SPTA1: variants seen among roughly 807,000 people sequenced by gnomAD.
The protein encoded by SPTA1 is spectrin alpha, erythrocytic 1, also known as spectrin alpha chain, erythrocytic 1.
A neutral mutation model predicts 324.7 loss-of-function variants in SPTA1; 177 were observed. That is an observed-to-expected ratio of 0.55 (90% CI 0.48 to 0.62). The LOEUF is 0.62. SPTA1 is among the 20% of genes least tolerant of loss of function. The probability of loss-of-function intolerance (pLI) is 0.00; values close to 1 mark genes in which losing one functional copy is unlikely to be tolerated. For synonymous variants in SPTA1, 1,195 were observed against 1,041.3 expected (o/e 1.15, Z -2.84); for missense variants, 3,162 against 2,883.6 (o/e 1.10, Z -2.21).
intron 42 of SPTA1, among the ~76,000 whole-genome samples, chr1:158,624,209 GC>G (rs1221367117): frequency 6.6e-6 from 1 of 152,166 alleles, no homozygotes; most frequent in East Asian, 1.9e-4. Context: ...TGGAACACCC[GC>G]CCCTGACAGA....
intron 44 of SPTA1, 128 bp from the exon 45 acceptor site, chr1:158,619,462 G>A (rs1649772936): frequency 2.3e-6 from 2 of 873,014 alleles, no homozygotes; most frequent in African/African-American, 1.6e-5. Context: ...ACAGGTATGT[G>A]CCTGTGTGCT....
rs758565569 is a variant in SPTA1 at position 158,648,549 on chromosome 1, T to C, written c.3674A>G (p.His1225Arg). The C allele has an allele frequency of 9.3e-6, 15 of 1,614,036 alleles. No homozygotes were observed. In the Admixed American group the frequency reaches 1.8e-4, roughly 20 times the overall value. Residue 1225 changes from histidine to arginine, a missense_variant, in exon 26 of 52, where the codon CAT (histidine) becomes CGT (arginine). Coordinates refer to ENST00000643759, the MANE Select transcript of SPTA1 (RefSeq NM_003126.4). ...LFSVQALQRR[H>R]EGFERDLVPL... ...TACGAGGTCCCTTTCAAAGCCCTCA[T>C]GCCGTCGCTGAAGAGCCTGAACACT...
intron 24 of SPTA1, among the ~76,000 whole-genome samples, chr1:158,650,817 C>T (rs1436189376): frequency 6.6e-6 from 1 of 152,120 alleles, no homozygotes; most frequent in Non-Finnish European, 1.5e-5. Flanking sequence ...AAGGAAAAAA[C>T]TTTACGTTTA....
chr1:158,649,888 C>T lies in SPTA1; in HGVS notation c.3537G>A (p.Leu1179=). 1 of 1,613,822 alleles carries T rather than the reference C, an allele frequency of 6.2e-7. No individual in the cohort carries two copies. The highest frequency in any genetic ancestry group is 1.1e-5 in the South Asian group (1 of 91,056). The change falls in exon 25 of 52, where the codon CTG becomes CTA. Residue 1179 remains leucine, a synonymous_variant. Coordinates refer to ENST00000643759, the MANE Select transcript of SPTA1 (RefSeq NM_003126.4). ...QRLADEQRQL[L]GSAHAVEVFH... ...ACACTTCAACAGCATGGGCACTGCC[C>T]AGCAGCTGCCGCTGTTCATCTGCAA...
chr1:158,681,583 T>G lies in SPTA1; in HGVS notation c.475A>C (p.Lys159Gln). 6.2e-7 allele frequency: 1 copy of G among 1,613,814 alleles called. No individual in the cohort carries two copies. Among genetic ancestry groups the G allele is most frequent in the Non-Finnish European group, 8.5e-7 (1 of 1,179,800 alleles). ...EKGDQLLRAL[K>Q]FQQYVQECAD... ...CACTCCTGTACATACTGCTGGAACT[T>G]CAGGGCCCGCAGCAACTGGTCACCC... is the stretch of plus-strand genomic sequence containing the variant. Residue 159 changes from lysine (K) to glutamine (Q), a missense_variant, in exon 4 of 52, where the codon AAG becomes CAG. Coordinates refer to ENST00000643759, the MANE Select transcript of SPTA1 (RefSeq NM_003126.4).
Position 158,653,310 on chromosome 1 carries a change from C to G in SPTA1, c.3152G>C (p.Gly1051Ala), listed in dbSNP as rs774161066. The stretch of plus-strand genomic sequence containing the variant: ...CTGCTCCTGGCGCTGGGTGATGTTT[C>G]CTGGCTCTTCTCGTCGCCGCTGTGG... Reference protein sequence around the residue: ...MLPQRRREEPGNITQRQEQIE... With the variant: ...MLPQRRREEPANITQRQEQIE... The change falls in exon 22 of 52, where the codon GGA becomes GCA. Residue 1051 changes from glycine (G) to alanine (A), a missense_variant. Coordinates refer to ENST00000643759, the MANE Select transcript of SPTA1 (RefSeq NM_003126.4). 12 of 1,614,108 alleles carry G rather than the reference C, an allele frequency of 7.4e-6. No homozygotes were observed. Among genetic ancestry groups the G allele is most frequent in the Middle Eastern group, 1.7e-4 (1 of 6,054 alleles).
rs755966603 is a variant in SPTA1 at position 158,644,315 on chromosome 1, A to C, written c.4276T>G (p.Leu1426Val). Residue 1426 changes from leucine (L) to valine (V), a missense_variant, in exon 30 of 52, where the codon TTA becomes GTA. By Grantham distance (32) the Leu-to-Val change is conservative. Transcript: ENST00000643759. ...NSLRSDDKSS[L>V]DSLEALMKKR... Reference sequence around the variant, plus strand: ...TTCATCAAAGCCTCCAGACTGTCTAAGGAACTTTTGTCATCTGACCTCAGG... The same window carrying C: ...TTCATCAAAGCCTCCAGACTGTCTACGGAACTTTTGTCATCTGACCTCAGG... 6.2e-7 allele frequency: 1 copy of C among 1,613,868 alleles called. No homozygotes were observed. Among genetic ancestry groups the C allele is most frequent in the Non-Finnish European group, 8.5e-7 (1 of 1,179,932 alleles).
Position 158,643,406 on chromosome 1 carries a change from A to G in SPTA1, c.4358T>C (p.Leu1453Pro), listed in dbSNP as rs756913042. 3.7e-6 allele frequency: 6 copies of G among 1,613,578 alleles called. No individual in the cohort carries two copies. In the African/African-American group the frequency reaches 8.0e-5, roughly 22 times the overall value. The change falls in exon 31 of 52, where the codon CTA becomes CCA. Residue 1453 changes from leucine (L) to proline (P), a missense_variant. Transcript: ENST00000643759. The part of the protein sequence containing the change: ...ITAQEGKITD[L>P]EHFAESLIAD... ...AATGAGGCTCTCAGCAAAATGTTCTAGGTCAGTGATCTTCCCTTCCTAAAT... is the reference window on the plus strand; with the variant it reads ...AATGAGGCTCTCAGCAAAATGTTCTGGGTCAGTGATCTTCCCTTCCTAAAT...
rs2101962913 is a variant in SPTA1 at position 158,686,560 on chromosome 1, A to AGAGAGAGC, written c.-44_-43insGCTCTCTC. ...AACCTGGCAAGATAAAATGTGTCAG[A>AGAGAGAGC]GAGAGAGAGAGAGAGAAATAATTCA... On this transcript the variant is annotated 5_prime_UTR_variant, in exon 1 of 52. The change abolishes the stop of an existing upstream ORF in the 5' untranslated region. Transcript: ENST00000643759. 3 of 1,400,566 alleles carry AGAGAGAGC rather than the reference A, an allele frequency of 2.1e-6. No individual in the cohort carries two copies. Among genetic ancestry groups the AGAGAGAGC allele is most frequent in the Non-Finnish European group, 3.0e-6 (3 of 987,590 alleles). 86.8% of individuals were successfully genotyped at this position (1,400,566 alleles called of 1,614,324 possible). A position where few individuals can be genotyped will look rare whatever the true frequency, so the allele number is the denominator to read the frequency against.
At chr1:158,619,678 G>C (rs1302492363) in intron 44 of SPTA1, among the ~76,000 whole-genome samples, 1 of 152,122 alleles carries the variant, frequency 6.6e-6, no homozygotes. Flanking sequence ...GCTACCCTTA[G>C]AAACAATAGT....
intron 15 of SPTA1, 28 bp downstream of exon 15, chr1:158,667,830 A>G: frequency 6.2e-7 from 1 of 1,610,618 alleles, no homozygotes; most frequent in Non-Finnish European, 8.5e-7. Context: ...TTAGAAAATG[A>G]CCTTTCACCA....
At position 158,615,278 on chromosome 1, in the gene SPTA1, C is replaced by A. The variant is rs1649485442; in HGVS notation, c.6726G>T (p.Trp2242Cys). 1.2e-6 allele frequency: 2 copies of A among 1,613,946 alleles called. No homozygotes were observed. Among genetic ancestry groups the A allele is most frequent in the East Asian group, 4.5e-5 (2 of 44,884 alleles). ...GCAACCCAAGCTGGTAGAGCTGGTC[C>A]CACTGCTGAGCCAATCCAATGGTGC... is the stretch of plus-strand genomic sequence containing the variant. The part of the protein sequence containing the change: ...KYSTIGLAQQ[W>C]DQLYQLGLRM... The change falls in exon 48 of 52, where the codon TGG becomes TGT. Residue 2242 changes from tryptophan to cysteine, a missense_variant. Transcript: ENST00000643759.
intron 2 of SPTA1, among the ~76,000 whole-genome samples, chr1:158,683,809 A>C (rs1443853981): frequency 6.6e-6 from 1 of 151,086 alleles, no homozygotes; most frequent in Non-Finnish European, 1.5e-5. Flanking sequence ...GAAGTAGAGC[A>C]CAATGAGAAA....
intron 4 of SPTA1, 59 bp downstream of exon 4, chr1:158,681,468 G>A: frequency 6.2e-7 from 1 of 1,611,838 alleles, no homozygotes; most frequent in Admixed American, 1.7e-5. Flanking sequence ...AATTTGCTAT[G>A]GGGTACCTGG....
rs559257997 is a variant in SPTA1, at chr1:158,642,418, G to C, written c.4730C>G (p.Ala1577Gly). 13 of 1,613,106 alleles carry C rather than the reference G, an allele frequency of 8.1e-6. No individual in the cohort carries two copies. The South Asian group carries it at 1.2e-4, about 15-fold the overall frequency. The stretch of plus-strand genomic sequence containing the variant: ...ACTCATCCTGAGCTTTACCTTCATG[G>C]CCTCTTCATTGCCATCACAAGCGCT... ...ECSACDGNEE[A>G]MKEQLEQLKE... Residue 1577 changes from alanine (A) to glycine (G), a missense_variant, in exon 33 of 52, where the codon GCC (alanine) becomes GGC (glycine). Physicochemically the swap from Ala to Gly is moderately conservative, Grantham distance 60. Coordinates refer to ENST00000643759, the MANE Select transcript of SPTA1 (RefSeq NM_003126.4).
At chr1:158,682,531 C>A (rs1199670100) in intron 3 of SPTA1, among the ~76,000 whole-genome samples, 2 of 152,134 alleles carry the variant, frequency 1.3e-5, no homozygotes, top group African/African-American at 2.4e-5. Flanking sequence ...AAATAAGATT[C>A]TATTCTGGCT....
At chr1:158,657,380 A>T in intron 19 of SPTA1, 97 bp downstream of exon 19, 1 of 1,271,664 alleles carries the variant, frequency 7.9e-7, no homozygotes, top group Non-Finnish European at 1.1e-6. Flanking sequence ...ATAATCTGGC[A>T]GAATCTGTAG....
chr1:158,631,949 C>T (rs1210848644), intron 39 of SPTA1, among the ~76,000 whole-genome samples: 5 of 151,994 alleles, frequency 3.3e-5, no homozygotes, highest in Admixed American at 1.3e-4. Flanking sequence ...GGGTATTTAT[C>T]CAAAAGGATA....
intron 42 of SPTA1, 61 bp from the exon 43 acceptor site, chr1:158,623,253 G>T: frequency 2.9e-6 from 4 of 1,399,322 alleles, no homozygotes; most frequent in Non-Finnish European, 4.1e-6. Flanking sequence ...ATTCACATCT[G>T]GGTTCCACCA....
Sources: gnomAD v4.1 joint callset for allele counts (sites outside exome capture counted in the v4.1 genomes callset) on GRCh38, gnomAD v4.1.1 for gene constraint, MANE v1.5 for transcripts, NCBI Gene and HGNC (gene_info 2026-07-23, HGNC 2026-07-21) for gene names.